Variants in ARHGAP29 observed in about 807,000 individuals in gnomAD.
ARHGAP29 encodes Rho GTPase activating protein 29.
ARHGAP29 carries 43 observed loss-of-function variants against 122.6 expected under a neutral mutation model. The observed-to-expected ratio is 0.35, with a 90% CI of 0.27 to 0.45. ARHGAP29 has a LOEUF of 0.45. Among genes scored for constraint, ARHGAP29 ranks in the 20% least tolerant of loss-of-function variants. ARHGAP29 has a pLI of 1.00. For missense variants in ARHGAP29, 1,303 were observed against 1,477.2 expected (o/e 0.88, Z 1.93); for synonymous variants, 506 against 497.1 (o/e 1.02, Z -0.24).
the ARHGAP29 span, among the ~76,000 whole-genome samples, chr1:94,313,412 T>C: frequency 6.6e-6 from 1 of 152,194 alleles, no homozygotes; most frequent in Non-Finnish European, 1.5e-5. Context: ...TTAACCCTAT[T>C]ATTGTTTAAA....
chr1:94,186,472 G>A lies in ARHGAP29; in HGVS notation c.1780+27C>T. The A allele has an allele frequency of 2.0e-6, 3 of 1,512,530 alleles. No homozygotes were observed. In the Admixed American group the frequency reaches 5.1e-5, roughly 26 times the overall value. 93.7% of individuals were successfully genotyped at this position (1,512,530 alleles called of 1,614,324 possible). A position where few individuals can be genotyped will look rare whatever the true frequency, so the allele number is the denominator to read the frequency against. On this transcript the variant is annotated intron_variant, in intron 16 of 22. Transcript: ENST00000260526. ...GTGCTACTGATTGAGCTGGTTTAGT[G>A]GGACTTAATTCAGGTAAATACAATA...
chr1:94,188,549 G>A (rs1649946055), intron 15 of ARHGAP29, among the ~76,000 whole-genome samples: 1 of 152,056 alleles, frequency 6.6e-6, no homozygotes. Context: ...ATTTAAAATA[G>A]CTAGAGAATG....
the ARHGAP29 span, among the ~76,000 whole-genome samples, chr1:94,286,353 A>C: frequency 6.6e-6 from 1 of 152,146 alleles, no homozygotes; most frequent in Non-Finnish European, 1.5e-5. Flanking sequence ...AACCCATAAC[A>C]TATACTATGG....
intron 3 of ARHGAP29, among the ~76,000 whole-genome samples, chr1:94,215,279 T>C (rs1651893623): frequency 6.6e-6 from 1 of 151,640 alleles, no homozygotes; most frequent in African/African-American, 2.4e-5. Flanking sequence ...TTTTCCTTAA[T>C]TTAATCTATA....
At chr1:94,200,157 C>A (rs556230681) in intron 12 of ARHGAP29, among the ~76,000 whole-genome samples, 1 of 152,134 alleles carries the variant, frequency 6.6e-6, no homozygotes, top group African/African-American at 2.4e-5. Context: ...ATTAAAACCT[C>A]TTTCTCCCCA....
intron 2 of ARHGAP29, among the ~76,000 whole-genome samples, chr1:94,225,412 A>G (rs944681727): frequency 6.6e-6 from 1 of 152,120 alleles, no homozygotes; most frequent in African/African-American, 2.4e-5. Flanking sequence ...AAATAAAGCT[A>G]CTTTACAGTC....
At chr1:94,208,770 C>T in intron 5 of ARHGAP29, 62 bp downstream of exon 5, 1 of 1,528,828 alleles carries the variant, frequency 6.5e-7, no homozygotes, top group Non-Finnish European at 9.0e-7. Flanking sequence ...TAAGATTAGG[C>T]AATAGTTGAA....
At chr1:94,189,085 G>A in intron 14 of ARHGAP29, 131 bp downstream of exon 14, 1 of 1,363,354 alleles carries the variant, frequency 7.3e-7, no homozygotes, top group Non-Finnish European at 1.0e-6. Context: ...GGTAACAACT[G>A]TGAATAAGAT....
intron 3 of ARHGAP29, among the ~76,000 whole-genome samples, chr1:94,209,982 T>G (rs1279633850): frequency 6.6e-6 from 1 of 152,240 alleles, no homozygotes; most frequent in Non-Finnish European, 1.5e-5. Context: ...TACAGCTAGC[T>G]GCATTTTGTT....
chr1:94,208,789 T>C, intron 5 of ARHGAP29, 43 bp downstream of exon 5: 1 of 1,583,736 alleles, frequency 6.3e-7, no homozygotes, highest in Non-Finnish European at 8.7e-7. Flanking sequence ...AAACATGAAG[T>C]TAAAAACATT....
intron 20 of ARHGAP29, 78 bp downstream of exon 20, chr1:94,179,647 G>C (rs1570486496): frequency 4.4e-6 from 2 of 453,598 alleles, no homozygotes; most frequent in African/African-American, 4.6e-5. Context: ...ATTTTGTTAT[G>C]TGGATTTTAC....
intron 12 of ARHGAP29, chr1:94,191,708 A>T (rs958259627): frequency 2.0e-5 from 3 of 152,190 alleles, no homozygotes; most frequent in African/African-American, 7.2e-5. Context: ...GTGCAAATGA[A>T]TCACCTTGGG....
chr1:94,242,532 A>T (rs1653632856), upstream of ARHGAP29, among the ~76,000 whole-genome samples: 1 of 152,032 alleles, frequency 6.6e-6, no homozygotes, highest in African/African-American at 2.4e-5. Context: ...TTGAAGGTAT[A>T]CTGTAAGTTA....
rs137861305 is a variant in ARHGAP29 at position 94,189,330 on chromosome 1, T to C, written c.1462A>G (p.Ser488Gly). The C allele has an allele frequency of 2.2e-5, 35 of 1,609,774 alleles. No individual in the cohort carries two copies. The African/African-American group carries it at 4.0e-4, about 18-fold the overall frequency. ...VDGNVNKHLN[S>G]SQPSGFGPAN... is the part of the protein sequence containing the mutation. ...GGTCCAAATCCTGAAGGTTGGGAAC[T>C]ATTTAAATGTTTATTTACATTTCTG... The change falls in exon 14 of 23, where the codon AGT becomes GGT. Residue 488 changes from serine (S) to glycine (G), a missense_variant. This residue lies in a region of ARHGAP29 where 592 missense variants were observed against 648.2 expected (regional missense o/e 0.91). Coordinates refer to ENST00000260526, the MANE Select transcript of ARHGAP29 (RefSeq NM_004815.4).
the ARHGAP29 span, among the ~76,000 whole-genome samples, chr1:94,311,879 G>A: frequency 2.7e-4 from 41 of 152,176 alleles, 2 homozygotes; most frequent in East Asian, 7.7e-4. Context: ...CTGTAACTAT[G>A]TTCTTCTCCA....
At chr1:94,260,017 G>A (rs537920768) in intron 1 of ARHGAP29, among the ~76,000 whole-genome samples, 2 of 152,246 alleles carry the variant, frequency 1.3e-5, no homozygotes, top group Non-Finnish European at 2.9e-5. Flanking sequence ...AGGACCAGAG[G>A]CATTCCATGT....
At position 94,199,999 on chromosome 1, in the gene ARHGAP29, G is replaced by A. The variant is rs535364902; in HGVS notation, c.1281+1721C>T. Among the ~76,000 whole-genome samples, 16 of 152,134 alleles carry A rather than the reference G, an allele frequency of 1.1e-4. No homozygotes were observed. The South Asian group carries it at 1.7e-3, about 16-fold the overall frequency. On this transcript the variant is annotated intron_variant, in intron 12 of 22. Coordinates refer to ENST00000260526, the MANE Select transcript of ARHGAP29 (RefSeq NM_004815.4). The stretch of plus-strand genomic sequence containing the variant: ...CCTTACACAAAAATTAAGCCCAAAC[G>A]GATCATATATCTATATGTAAAACTA...
intron 12 of ARHGAP29, chr1:94,192,632 G>C (rs1650193224): frequency 6.6e-6 from 1 of 152,242 alleles, no homozygotes; most frequent in African/African-American, 2.4e-5. Flanking sequence ...TTTATGACCA[G>C]ATGAACTGTA....
intron 11 of ARHGAP29, chr1:94,202,114 A>G: frequency 9.2e-6 from 4 of 436,476 alleles, no homozygotes; most frequent in Non-Finnish European, 1.2e-5. Flanking sequence ...ATTTATATTT[A>G]CTATATTCCA....
Sources: gnomAD v4.1 joint callset for allele counts (sites outside exome capture counted in the v4.1 genomes callset) on GRCh38, gnomAD v4.1.1 for gene constraint, gnomAD v4.1.1 regional missense constraint, MANE v1.5 for transcripts, NCBI Gene and HGNC (gene_info 2026-07-23, HGNC 2026-07-21) for gene names.